The following EGLN2 variants were observed in gnomAD, a reference collection of about 807,000 sequenced individuals.
EGLN2 encodes the protein prolyl hydroxylase EGLN2.
A neutral mutation model predicts 38.2 loss-of-function variants in EGLN2; 15 were observed. That is an observed-to-expected ratio of 0.39 (90% CI 0.26 to 0.60). The LOEUF (loss-of-function observed/expected upper bound fraction) is 0.60. Among genes scored for constraint, EGLN2 ranks in the 20% least tolerant of loss-of-function variants. EGLN2 has a pLI of 0.50. For synonymous variants in EGLN2, 284 were observed against 237.4 expected, an observed-to-expected ratio of 1.20 and a Z score of -1.81; for missense variants, 492 against 570.4, an observed-to-expected ratio of 0.86 and a Z score of 1.40.
chr19:40,799,512 T>A (rs1282251265), intron 1 of EGLN2: 3 of 135,700 alleles, frequency 2.2e-5, no homozygotes, highest in Non-Finnish European at 4.8e-5. Context: ...GGGGAGGGGG[T>A]CCGAGCGGCC....
intron 2 of EGLN2, among the ~76,000 whole-genome samples, chr19:40,802,746 C>G (rs1307909130): frequency 6.6e-6 from 1 of 152,244 alleles, no homozygotes; most frequent in Non-Finnish European, 1.5e-5. Flanking sequence ...GCCTTGAGTC[C>G]AAGGCTTGGT....
chr19:40,801,247 G>A lies in EGLN2; in HGVS notation c.675G>A (p.Val225=), dbSNP rs2083255291. Residue 225 remains valine (V), a synonymous_variant, in exon 2 of 6, where the codon GTG becomes GTA. Transcript: ENST00000303961. ...GGCGCCTGCGAGACGGGCAGCTAGT[G>A]AGCCAGAGGGCGATCCCGCCGCGCA... is the stretch of plus-strand genomic sequence containing the variant. ...RGGRLRDGQL[V]SQRAIPPRSI... The A allele has an allele frequency of 7.4e-6, 12 of 1,612,836 alleles. No homozygotes were observed. Among genetic ancestry groups the A allele is most frequent in the South Asian group, 1.1e-5 (1 of 91,082 alleles).
intron 3 of EGLN2, 179 bp from the exon 4 acceptor site, chr19:40,806,959 A>G: frequency 9.4e-7 from 1 of 1,059,488 alleles, no homozygotes; most frequent in Non-Finnish European, 1.3e-6. Context: ...TGTCTTTAGT[A>G]GCTTCCTGCC....
Position 40,807,514 on chromosome 19 carries a change from C to T in EGLN2, c.1131C>T (p.Ala377=). The T allele has an allele frequency of 1.9e-6, 3 of 1,614,156 alleles. No individual in the cohort carries two copies. The highest frequency in any genetic ancestry group is 2.5e-6 in the Non-Finnish European group (3 of 1,180,000). ...CCATCACTGTCTGGTATTTTGATGC[C>T]AAGGAGCGGGCAGCAGCCAAAGACA... ...RYAITVWYFD[A]KERAAAKDKY... Residue 377 remains alanine, a synonymous_variant, in exon 5 of 6, where the codon GCC becomes GCT. Coordinates refer to ENST00000303961, the MANE Select transcript of EGLN2 (RefSeq NM_080732.4).
chr19:40,806,948 C>T lies in EGLN2; in HGVS notation c.964-190C>T, dbSNP rs899204645. 1.4e-5 allele frequency: 14 copies of T among 1,020,706 alleles called. No homozygotes were observed. In the Middle Eastern group the frequency reaches 1.1e-3, roughly 77 times the overall value. The allele number at this position is 1,020,706 out of a possible 1,614,324, so 63.2% of individuals were successfully genotyped here. On this transcript the variant is annotated intron_variant, in intron 3 of 5. Transcript: ENST00000303961. ...TGTAATGAACACTTTCCCCCTTTTC[C>T]TGTCTTTAGTAGCTTCCTGCCCATC...
chr19:40,800,479 T>G lies in EGLN2; in HGVS notation c.-94T>G. 2.8e-6 allele frequency: 4 copies of G among 1,453,804 alleles called. No homozygotes were observed. The South Asian group carries it at 4.2e-5, about 15-fold the overall frequency. The allele number at this position is 1,453,804 out of a possible 1,614,324, so 90.1% of individuals were successfully genotyped here. On this transcript the variant is annotated 5_prime_UTR_variant, in exon 2 of 6. Coordinates refer to ENST00000303961, the MANE Select transcript of EGLN2 (RefSeq NM_080732.4). ...CACGCCAGGCCCGGTGGCCCCCAGCTGCATCAAGTGGAGGCGGAGGAGGAG... is the reference window on the plus strand; with the variant it reads ...CACGCCAGGCCCGGTGGCCCCCAGCGGCATCAAGTGGAGGCGGAGGAGGAG...
chr19:40,806,880 C>G, intron 3 of EGLN2: 1 of 928,566 alleles, frequency 1.1e-6, no homozygotes, highest in Admixed American at 2.8e-5. Flanking sequence ...GGGAACTCCC[C>G]TCTTTCCGGG....
chr19:40,803,165 G>C (rs1049543931), intron 2 of EGLN2: 4 of 152,314 alleles, frequency 2.6e-5, no homozygotes, highest in African/African-American at 7.2e-5. Flanking sequence ...GGGCTGAGTG[G>C]CCCAGATGGG....
At chr19:40,804,015 C>T (rs2083282865) in intron 2 of EGLN2, 2 of 152,064 alleles carry the variant, frequency 1.3e-5, no homozygotes, top group African/African-American at 4.8e-5. Flanking sequence ...TGCTTTCACC[C>T]CCAAGGTGTG....
Position 40,800,927 on chromosome 19 carries a change from C to G in EGLN2, c.355C>G (p.Arg119Gly). ...GGGCGCACGGCCTGAGGCCCCCAAACGGAAATGGGCCGAGGATGGTGGGGA... is the reference window on the plus strand; with the variant it reads ...GGGCGCACGGCCTGAGGCCCCCAAAGGGAAATGGGCCGAGGATGGTGGGGA... ...AQGARPEAPKRKWAEDGGDAP... is the reference protein window; with the variant it reads ...AQGARPEAPKGKWAEDGGDAP... Residue 119 changes from arginine (R) to glycine (G), a missense_variant, in exon 2 of 6, where the codon CGG becomes GGG. Physicochemically the swap from Arg to Gly is moderately radical, Grantham distance 125. This residue lies in a region of EGLN2 where 378 missense variants were observed against 386.2 expected (regional missense o/e 0.98). Transcript: ENST00000303961. The G allele has an allele frequency of 8.1e-6, 13 of 1,609,700 alleles. No homozygotes were observed. Among genetic ancestry groups the G allele is most frequent in the Non-Finnish European group, 1.1e-5 (13 of 1,178,454 alleles).
At chr19:40,804,676 A>C (rs1034744404) in intron 2 of EGLN2, 2 of 152,250 alleles carry the variant, frequency 1.3e-5, no homozygotes, top group Non-Finnish European at 2.9e-5. Flanking sequence ...ATCTCTAGTC[A>C]GTAACTCACT....
At chr19:40,799,748 C>T (rs542089110) in intron 1 of EGLN2, 2 of 152,326 alleles carry the variant, frequency 1.3e-5, no homozygotes, top group South Asian at 4.1e-4. Flanking sequence ...GTGTGTCCGC[C>T]CCCGGCCGGC....
chr19:40,799,615 C>T (rs1444560353), intron 1 of EGLN2: 2 of 152,214 alleles, frequency 1.3e-5, no homozygotes, highest in Non-Finnish European at 2.9e-5. Flanking sequence ...ATGGGGGCAC[C>T]TTTATCTCTC....
chr19:40,800,473 C>T lies in EGLN2; in HGVS notation c.-100C>T. The T allele has an allele frequency of 5.5e-6, 8 of 1,445,518 alleles. No individual in the cohort carries two copies. Among genetic ancestry groups the T allele is most frequent in the Non-Finnish European group, 6.4e-6 (7 of 1,099,842 alleles). The allele number at this position is 1,445,518 out of a possible 1,614,324, so 89.5% of individuals were successfully genotyped here. On this transcript the variant is annotated 5_prime_UTR_variant, in exon 2 of 6. Coordinates refer to ENST00000303961, the MANE Select transcript of EGLN2 (RefSeq NM_080732.4). ...CTGCCCCACGCCAGGCCCGGTGGCC[C>T]CCAGCTGCATCAAGTGGAGGCGGAG...
In EGLN2 at chr19:40,806,644, C is replaced by T. The variant is rs1399089360; in HGVS notation, c.933C>T (p.Ile311=). 8.7e-6 allele frequency: 14 copies of T among 1,613,972 alleles called. No individual in the cohort carries two copies. The highest frequency in any genetic ancestry group is 1.1e-5 in the Non-Finnish European group (13 of 1,180,000). ...PHGDGRCITC[I]YYLNQNWDVK... ...GCGATGGGCGCTGCATCACCTGTAT[C>T]TATTACCTGAATCAGAACTGGGACG... Residue 311 remains isoleucine, a synonymous_variant, in exon 3 of 6, where the codon ATC becomes ATT. Transcript: ENST00000303961.
intron 5 of EGLN2, 28 bp downstream of exon 5, chr19:40,807,579 C>A (rs1336282631): frequency 1.9e-6 from 3 of 1,612,772 alleles, no homozygotes; most frequent in Admixed American, 3.3e-5. Flanking sequence ...TTCAGTCCTT[C>A]CTATTCTGTG....
Position 40,807,559 on chromosome 19 carries a change from C to A in EGLN2, c.1168+8C>A. On this transcript the variant is annotated splice_region_variant and intron_variant, in intron 5 of 5. Coordinates refer to ENST00000303961, the MANE Select transcript of EGLN2 (RefSeq NM_080732.4). ...AAGACAAGTATCAGCTAGGTACCTG[C>A]TTCCCTCCCTTCAGTCCTTCCTATT... The A allele has an allele frequency of 1.2e-6, 2 of 1,614,014 alleles. No individual in the cohort carries two copies. Among genetic ancestry groups the A allele is most frequent in the Non-Finnish European group, 1.7e-6 (2 of 1,179,904 alleles).
At position 40,807,901 on chromosome 19, in the gene EGLN2, T is replaced by A. The variant is rs1447402348; in HGVS notation, c.*37T>A. ...AGAGCCGCATGGCAGACAGCTTAAA[T>A]GACTTCAGGAGAGCCCTGGGCCTGT... On this transcript the variant is annotated 3_prime_UTR_variant, in exon 6 of 6. Coordinates refer to ENST00000303961, the MANE Select transcript of EGLN2 (RefSeq NM_080732.4). The A allele has an allele frequency of 1.1e-5, 17 of 1,606,590 alleles. No homozygotes were observed. The highest frequency in any genetic ancestry group is 1.4e-5 in the Non-Finnish European group (17 of 1,173,782).
chr19:40,803,606 C>A (rs1243759597), intron 2 of EGLN2, among the ~76,000 whole-genome samples: 1 of 152,144 alleles, frequency 6.6e-6, no homozygotes, highest in East Asian at 1.9e-4. Flanking sequence ...CCAGTAGAAA[C>A]GTGCTTCTTA....
Sources: allele counts gnomAD v4.1 joint callset (sites outside exome capture counted in the v4.1 genomes callset), GRCh38; gene constraint gnomAD v4.1.1; regional missense constraint gnomAD v4.1.1; transcripts MANE v1.5; gene names NCBI Gene and HGNC (gene_info 2026-07-23, HGNC 2026-07-21).